The following ADCY2 variants were observed in gnomAD, a reference collection of about 807,000 sequenced individuals.
The protein encoded by ADCY2 is adenylate cyclase 2, also known as adenylate cyclase type 2.
In ADCY2, 31 loss-of-function variants were observed where a neutral mutation model predicts 125.2. The observed-to-expected ratio is 0.25, with a 90% CI of 0.19 to 0.33. The LOEUF (loss-of-function observed/expected upper bound fraction) is 0.33. Ranked by LOEUF, ADCY2 falls within the 10% of genes least tolerant of loss-of-function variation. The pLI, the probability that ADCY2 is intolerant of heterozygous loss-of-function variation, is 1.00. For synonymous variants in ADCY2, 512 were observed against 548.4 expected (o/e 0.93, Z 0.93); for missense variants, 904 against 1,418.2 (o/e 0.64, Z 5.82).
intron 5 of ADCY2, among the ~76,000 whole-genome samples, chr5:7,693,306 C>T (rs567552974): frequency 1.3e-4 from 19 of 151,926 alleles, no homozygotes; most frequent in Admixed American, 4.6e-4. Flanking sequence ...TATGGTCAGG[C>T]TCTAGGTGGG....
chr5:7,464,671 AG>A (rs749778260), intron 2 of ADCY2, among the ~76,000 whole-genome samples: 4 of 152,160 alleles, frequency 2.6e-5, no homozygotes, highest in Non-Finnish European at 5.9e-5. Context: ...CAGTCAAAAA[AG>A]TAGCTGATTG....
At chr5:7,764,023 G>T (rs1490523523) in intron 16 of ADCY2, among the ~76,000 whole-genome samples, 3 of 152,154 alleles carry the variant, frequency 2.0e-5, no homozygotes, top group African/African-American at 4.8e-5. Context: ...AAAAGCCAGG[G>T]TCAACGGGAA....
At chr5:7,770,997 A>G (rs1238353190) in intron 17 of ADCY2, among the ~76,000 whole-genome samples, 1 of 152,180 alleles carries the variant, frequency 6.6e-6, no homozygotes, top group African/African-American at 2.4e-5. Context: ...CACTCTGCCA[A>G]GTTTCTATCC....
At position 7,722,960 on chromosome 5, in the gene ADCY2, C is replaced by CAAAAAAAAAAAAAAAAAAAA. The variant is rs60426818; in HGVS notation, c.1704-1578_1704-1559dup. Among the ~76,000 whole-genome samples the CAAAAAAAAAAAAAAAAAAAA allele has an allele frequency of 8.1e-4, 42 of 51,666 alleles. 1 individual carries two copies. Among genetic ancestry groups the CAAAAAAAAAAAAAAAAAAAA allele is most frequent in the East Asian group, 1.9e-3 (1 of 518 alleles). 33.9% of individuals were successfully genotyped at this position (51,666 alleles called of 152,430 possible). A position where few individuals can be genotyped will look rare whatever the true frequency, so the allele number is the denominator to read the frequency against. ...GGGCAACAAGAGCGAAACTCCATCT[C>CAAAAAAAAAAAAAAAAAAAA]AAAAAAAAAAAAAAAAAAAAAAAAA... is the stretch of plus-strand genomic sequence containing the variant. On this transcript the variant is annotated intron_variant, in intron 12 of 24. Transcript: ENST00000338316.
intron 15 of ADCY2, among the ~76,000 whole-genome samples, chr5:7,751,929 T>G (rs948317266): frequency 6.6e-6 from 1 of 152,146 alleles, no homozygotes; most frequent in Non-Finnish European, 1.5e-5. Flanking sequence ...TTAAAAATAG[T>G]AAACAGAATC....
intron 4 of ADCY2, among the ~76,000 whole-genome samples, chr5:7,659,668 C>T (rs2195396): frequency 0.14 from 21,917 of 152,128 alleles, 2,011 homozygotes; most frequent in East Asian, 0.43. Flanking sequence ...TGCTGTGAGC[C>T]GACACCACCA....
At chr5:7,773,215 C>T (rs1438909842) in intron 18 of ADCY2, 114 bp downstream of exon 18, 1 of 1,168,500 alleles carries the variant, frequency 8.6e-7, no homozygotes, top group Non-Finnish European at 1.2e-6. Context: ...ATAAATCATT[C>T]TGAGAGAATT....
chr5:7,738,642 A>G (rs1742319652), intron 14 of ADCY2, among the ~76,000 whole-genome samples: 1 of 152,052 alleles, frequency 6.6e-6, no homozygotes, highest in Non-Finnish European at 1.5e-5. Flanking sequence ...CAAGAGATGC[A>G]CTTTAAATAC....
At chr5:7,419,156 A>G (rs542973909) in intron 2 of ADCY2, among the ~76,000 whole-genome samples, 1 of 152,316 alleles carries the variant, frequency 6.6e-6, no homozygotes, top group East Asian at 1.9e-4. Context: ...TGAGCCTGCT[A>G]TGCAGTCAGA....
chr5:7,579,213 T>A (rs7731831), intron 3 of ADCY2, among the ~76,000 whole-genome samples: 74,977 of 151,666 alleles, frequency 0.49, 19,335 homozygotes, highest in Non-Finnish European at 0.57. Flanking sequence ...AGAGCTACGT[T>A]GGAGTCAATA....
At chr5:7,661,347 A>C (rs1739522744) in intron 4 of ADCY2, among the ~76,000 whole-genome samples, 1 of 152,192 alleles carries the variant, frequency 6.6e-6, no homozygotes, top group Non-Finnish European at 1.5e-5. Context: ...TTTTGGTAAG[A>C]GTCTTATGAT....
chr5:7,653,105 A>T (rs1739155758), intron 4 of ADCY2, among the ~76,000 whole-genome samples: 1 of 152,010 alleles, frequency 6.6e-6, no homozygotes, highest in Non-Finnish European at 1.5e-5. Flanking sequence ...GGGAGGGCTG[A>T]CATTTCAGTG....
chr5:7,460,438 G>C (rs925753761), intron 2 of ADCY2, among the ~76,000 whole-genome samples: 3 of 151,938 alleles, frequency 2.0e-5, no homozygotes, highest in Admixed American at 1.3e-4. Flanking sequence ...CATACACTAG[G>C]CTCTTTTACT....
intron 4 of ADCY2, among the ~76,000 whole-genome samples, chr5:7,672,836 G>C (rs1471329046): frequency 6.6e-6 from 1 of 152,102 alleles, no homozygotes; most frequent in Admixed American, 6.5e-5. Context: ...ATGGCAGAGA[G>C]GCCATGGTGC....
intron 2 of ADCY2, among the ~76,000 whole-genome samples, chr5:7,449,956 C>T (rs759102177): frequency 2.0e-5 from 3 of 152,170 alleles, no homozygotes; most frequent in East Asian, 1.9e-4. Context: ...CCACATTTGA[C>T]GGTGAACTTA....
intron 14 of ADCY2, among the ~76,000 whole-genome samples, chr5:7,741,584 C>CAT (rs1742409064): frequency 9.3e-6 from 1 of 107,292 alleles, no homozygotes; most frequent in South Asian, 3.3e-4. Context: ...ATCACCATCC[C>CAT]TATCACCATC....
At chr5:7,526,123 C>T (rs1036140995) in intron 3 of ADCY2, among the ~76,000 whole-genome samples, 1 of 152,244 alleles carries the variant, frequency 6.6e-6, no homozygotes, top group African/African-American at 2.4e-5. Context: ...GGTGTCCCCT[C>T]CTCTGCTCAG....
At chr5:7,430,806 C>T (rs915020086) in intron 2 of ADCY2, among the ~76,000 whole-genome samples, 9 of 151,860 alleles carry the variant, frequency 5.9e-5, no homozygotes, top group Non-Finnish European at 1.3e-4. Context: ...ATAGGAAATA[C>T]TTAGAAGTAA....
intron 3 of ADCY2, among the ~76,000 whole-genome samples, chr5:7,591,535 T>C (rs1314415810): frequency 2.0e-5 from 3 of 152,222 alleles, no homozygotes; most frequent in Non-Finnish European, 4.4e-5. Context: ...ATGTCTCTTA[T>C]CTGTCTACCT....
Sources: allele counts gnomAD v4.1 joint callset (sites outside exome capture counted in the v4.1 genomes callset), GRCh38; gene constraint gnomAD v4.1.1; transcripts MANE v1.5; gene names NCBI Gene and HGNC (gene_info 2026-07-23, HGNC 2026-07-21).